The following CYP7A1 variants were observed in gnomAD, a reference collection of about 807,000 sequenced individuals.
The protein encoded by CYP7A1 is cytochrome P450 family 7 subfamily A member 1, also known as cytochrome P450 7A1.
A neutral mutation model predicts 43.8 loss-of-function variants in CYP7A1; 28 were observed. The ratio of observed to expected loss-of-function variants is 0.64; its 90% confidence interval spans 0.47 to 0.88. The LOEUF (loss-of-function observed/expected upper bound fraction) is 0.88. Ranked by LOEUF, CYP7A1 falls within the 40% of genes least tolerant of loss-of-function variation. The pLI is 0.00. For missense variants in CYP7A1, 637 were observed against 611.9 expected (o/e 1.04, Z -0.43); for synonymous variants, 227 against 222.5 (o/e 1.02, Z -0.18).
chr8:58,492,884 C>A (rs1180189991), intron 4 of CYP7A1, among the ~76,000 whole-genome samples: 2 of 152,196 alleles, frequency 1.3e-5, no homozygotes, highest in African/African-American at 2.4e-5. Flanking sequence ...CCCACCTCAA[C>A]CTCTCGAGTA....
At chr8:58,491,880 C>G (rs1198595408) in intron 5 of CYP7A1, 106 bp from the exon 6 acceptor site, 4 of 940,582 alleles carry the variant, frequency 4.3e-6, no homozygotes, top group Admixed American at 2.1e-5. Flanking sequence ...TAATTCTACC[C>G]CATTAGTGAT....
rs139396617 is a variant in CYP7A1 at position 58,496,733 on chromosome 8, C to A, written c.779G>T (p.Arg260Leu). The change falls in exon 3 of 6, where the codon CGC (arginine) becomes CTC (leucine). Residue 260 changes from arginine to leucine, a missense_variant. Arg to Leu is a moderately radical substitution (Grantham distance 102). Coordinates refer to ENST00000301645, the MANE Select transcript of CYP7A1 (RefSeq NM_000780.4). Reference protein sequence around the residue: ...RESISELISLRMFLNDTLSTF... With the variant: ...RESISELISLLMFLNDTLSTF... Reference sequence around the variant, plus strand: ...GGACAAAGTGTCATTGAGAAACATGCGCAGGCTGATCAGTTCTGAGATGCT... The same window carrying A: ...GGACAAAGTGTCATTGAGAAACATGAGCAGGCTGATCAGTTCTGAGATGCT... 4.0e-4 allele frequency: 639 copies of A among 1,614,044 alleles called. No individual in the cohort carries two copies. Among genetic ancestry groups the A allele is most frequent in the Non-Finnish European group, 4.9e-4 (576 of 1,180,026 alleles).
rs1809411303 is a variant in CYP7A1 at position 58,494,687 on chromosome 8, A to G, written c.909-51T>C. 5 of 1,575,048 alleles carry G rather than the reference A, an allele frequency of 3.2e-6. No individual in the cohort carries two copies. The East Asian group carries it at 9.0e-5, about 28-fold the overall frequency. ...TATGTACAGAAAATAAACTTTTTCC[A>G]TACTTTGAGATCTGCAAACAAATAG... On this transcript the variant is annotated intron_variant, in intron 3 of 5. Transcript: ENST00000301645.
intron 4 of CYP7A1, 61 bp downstream of exon 4, chr8:58,494,445 G>A (rs1331180640): frequency 6.5e-7 from 1 of 1,543,700 alleles, no homozygotes; most frequent in African/African-American, 1.4e-5. Flanking sequence ...ATTTATGTTG[G>A]TCATTATTGT....
In CYP7A1 at chr8:58,498,383, A is replaced by C; in HGVS notation, c.167T>G (p.Leu56Arg). Residue 56 changes from leucine to arginine, a missense_variant, in exon 2 of 6, where the codon CTC becomes CGC. Transcript: ENST00000301645. Reference sequence around the variant, plus strand: ...ACCATGTTTCCTTTGATTTGCTCTGAGGAACTCAAGAGGATTGGCACCAAA... The same window carrying C: ...ACCATGTTTCCTTTGATTTGCTCTGCGGAACTCAAGAGGATTGGCACCAAA... ...LQFGANPLEF[L>R]RANQRKHGHV... The C allele has an allele frequency of 6.8e-6, 11 of 1,614,124 alleles. No individual in the cohort carries two copies. The highest frequency in any genetic ancestry group is 9.3e-6 in the Non-Finnish European group (11 of 1,179,994).
At chr8:58,495,380 C>G (rs973872738) in intron 3 of CYP7A1, among the ~76,000 whole-genome samples, 1 of 151,810 alleles carries the variant, frequency 6.6e-6, no homozygotes, top group Non-Finnish European at 1.5e-5. Flanking sequence ...CGCCCGCCAC[C>G]ACGCCCAGCT....
intron 4 of CYP7A1, among the ~76,000 whole-genome samples, chr8:58,493,771 G>A (rs192220823): frequency 0.017 from 2,557 of 152,212 alleles, 51 homozygotes; most frequent in East Asian, 0.11. Flanking sequence ...AGGCCGAGGC[G>A]GGCAGATCAC....
At chr8:58,497,767 T>G (rs992269480) in intron 2 of CYP7A1, among the ~76,000 whole-genome samples, 8 of 148,162 alleles carry the variant, frequency 5.4e-5, no homozygotes, top group Non-Finnish European at 1.0e-4. Context: ...TAGTTATTGG[T>G]TTTTTTTCTC....
At chr8:58,499,622 G>A (rs1176549341) in intron 1 of CYP7A1, among the ~76,000 whole-genome samples, 1 of 152,146 alleles carries the variant, frequency 6.6e-6, no homozygotes, top group African/African-American at 2.4e-5. Context: ...TTTAACAAGA[G>A]TATCTATTGA....
chr8:58,498,359 C>T lies in CYP7A1; in HGVS notation c.191G>A (p.Gly64Asp), dbSNP rs1563484926. Residue 64 changes from glycine to aspartate, a missense_variant, in exon 2 of 6, where the codon GGT becomes GAT. Gly to Asp is a moderately conservative substitution (Grantham distance 94). Transcript: ENST00000301645. Reference sequence around the variant, plus strand: ...CATTAGTTTGCAGGTAAAAACATGACCATGTTTCCTTTGATTTGCTCTGAG... The same window carrying T: ...CATTAGTTTGCAGGTAAAAACATGATCATGTTTCCTTTGATTTGCTCTGAG... Reference protein sequence around the residue: ...EFLRANQRKHGHVFTCKLMGK... With the variant: ...EFLRANQRKHDHVFTCKLMGK... 1.2e-6 allele frequency: 2 copies of T among 1,614,064 alleles called. No homozygotes were observed. The highest frequency in any genetic ancestry group is 1.7e-5 in the Admixed American group (1 of 60,008).
intron 5 of CYP7A1, among the ~76,000 whole-genome samples, 161 bp downstream of exon 5, chr8:58,492,192 C>G (rs912252931): frequency 2.0e-5 from 3 of 152,250 alleles, no homozygotes; most frequent in African/African-American, 7.2e-5. Context: ...AAATTCAGAC[C>G]ACTATCTAAA....
chr8:58,499,121 A>G lies in CYP7A1; in HGVS notation c.81-652T>C, dbSNP rs1480025186. Among the ~76,000 whole-genome samples the G allele has an allele frequency of 3.3e-5, 5 of 152,314 alleles. No individual in the cohort carries two copies. The East Asian group carries it at 9.6e-4, about 29-fold the overall frequency. On this transcript the variant is annotated intron_variant, in intron 1 of 5. Coordinates refer to ENST00000301645, the MANE Select transcript of CYP7A1 (RefSeq NM_000780.4). The stretch of plus-strand genomic sequence containing the variant: ...TGTTTTTATTAGAACATGTAAACTT[A>G]TTTTCCAACATAAACTTCTGTACCT...
At chr8:58,497,241 T>TTTACTATG in intron 2 of CYP7A1, 51 bp from the exon 3 acceptor site, 2 of 1,441,462 alleles carry the variant, frequency 1.4e-6, no homozygotes, top group Non-Finnish European at 1.9e-6. Flanking sequence ...GACCTAGTCA[T>TTTACTATG]AGTAAATGAC....
Position 58,491,353 on chromosome 8 carries a change from A to C in CYP7A1, c.*122T>G. 2 of 938,306 alleles carry C rather than the reference A, an allele frequency of 2.1e-6. No individual in the cohort carries two copies. The highest frequency in any genetic ancestry group is 2.9e-5 in the South Asian group (2 of 69,726). The allele number at this position is 938,306 out of a possible 1,614,324, so 58.1% of individuals were successfully genotyped here. A position where few individuals can be genotyped will look rare whatever the true frequency, so the allele number is the denominator to read the frequency against. On this transcript the variant is annotated 3_prime_UTR_variant, in exon 6 of 6. Coordinates refer to ENST00000301645, the MANE Select transcript of CYP7A1 (RefSeq NM_000780.4). ...GATTCACAAGCAAGCACTGGTGAAC[A>C]ACATTGGACCTGGTGAATCATTTCT... is the stretch of plus-strand genomic sequence containing the variant.
At position 58,490,376 on chromosome 8, in the gene CYP7A1, A is replaced by G. The variant is rs544115148; in HGVS notation, c.*1099T>C. On this transcript the variant is annotated 3_prime_UTR_variant, in exon 6 of 6. Transcript: ENST00000301645. ...AAGCATTGTTGTACACAGCATTTAA[A>G]CACTCGAGTCACCTTAGTTTTTTTC... The G allele has an allele frequency of 2.0e-5, 3 of 152,348 alleles. No homozygotes were observed. Among genetic ancestry groups the G allele is most frequent in the Admixed American group, 2.0e-4 (3 of 15,300 alleles). The allele number at this position is 152,348 out of a possible 1,614,324, so 9.4% of individuals were successfully genotyped here.
intron 3 of CYP7A1, among the ~76,000 whole-genome samples, chr8:58,494,960 C>T (rs1563483348): frequency 6.6e-6 from 1 of 151,760 alleles, no homozygotes; most frequent in Non-Finnish European, 1.5e-5. Context: ...ATGGCGAAAC[C>T]CTGTCTCTAC....
At position 58,490,753 on chromosome 8, in the gene CYP7A1, T is replaced by C. The variant is rs1809337109; in HGVS notation, c.*722A>G. The C allele has an allele frequency of 6.6e-6, 1 of 152,224 alleles. No homozygotes were observed. Among genetic ancestry groups the C allele is most frequent in the African/African-American group, 2.4e-5 (1 of 41,462 alleles). 9.4% of individuals were successfully genotyped at this position (152,224 alleles called of 1,614,324 possible). A position where few individuals can be genotyped will look rare whatever the true frequency, so the allele number is the denominator to read the frequency against. ...TGTTTTTGGGAAATCAAGATAATCATGTTTAAAGCCCTGAATTTTGGATAT... is the reference window on the plus strand; with the variant it reads ...TGTTTTTGGGAAATCAAGATAATCACGTTTAAAGCCCTGAATTTTGGATAT... On this transcript the variant is annotated 3_prime_UTR_variant, in exon 6 of 6. Coordinates refer to ENST00000301645, the MANE Select transcript of CYP7A1 (RefSeq NM_000780.4).
chr8:58,495,156 A>T (rs1320459173), intron 3 of CYP7A1, among the ~76,000 whole-genome samples: 2 of 151,522 alleles, frequency 1.3e-5, no homozygotes, highest in Non-Finnish European at 2.9e-5. Flanking sequence ...AATAATAATA[A>T]TTAAAAAATG....
At chr8:58,495,579 G>C (rs1255685631) in intron 3 of CYP7A1, among the ~76,000 whole-genome samples, 1 of 152,192 alleles carries the variant, frequency 6.6e-6, no homozygotes, top group Admixed American at 6.5e-5. Context: ...AACATGTCTA[G>C]GGAGCTACAT....
Sources: allele counts gnomAD v4.1 joint callset (sites outside exome capture counted in the v4.1 genomes callset), GRCh38; gene constraint gnomAD v4.1.1; transcripts MANE v1.5; gene names NCBI Gene and HGNC (gene_info 2026-07-23, HGNC 2026-07-21).